EXOC1: variants seen among roughly 807,000 people sequenced by gnomAD.
The protein encoded by EXOC1 is exocyst complex component 1.
A neutral mutation model predicts 107.7 loss-of-function variants in EXOC1; 67 were observed. The ratio of observed to expected loss-of-function variants is 0.62; its 90% CI spans 0.51 to 0.76. The LOEUF is 0.76. Among genes scored for constraint, EXOC1 ranks in the 30% least tolerant of loss-of-function variants. The pLI is 0.00. For synonymous variants in EXOC1, 348 were observed against 353.5 expected (o/e 0.98, Z 0.17); for missense variants, 833 against 1,055.7 (o/e 0.79, Z 2.92).
At chr4:55,858,768 G>A (rs762086203) in intron 2 of EXOC1, among the ~76,000 whole-genome samples, 1 of 152,050 alleles carries the variant, frequency 6.6e-6, no homozygotes, top group Non-Finnish European at 1.5e-5. Flanking sequence ...CTGTTGTGTT[G>A]CTTGTCCTTT....
chr4:55,860,643 A>G, intron 3 of EXOC1, 102 bp downstream of exon 3: 1 of 1,368,430 alleles, frequency 7.3e-7, no homozygotes, highest in Non-Finnish European at 9.8e-7. Context: ...ATTAATATAT[A>G]TGTTTGTTTT....
chr4:55,875,091 T>C (rs1722769421), intron 8 of EXOC1, among the ~76,000 whole-genome samples: 1 of 152,194 alleles, frequency 6.6e-6, no homozygotes, highest in Non-Finnish European at 1.5e-5. Context: ...TGAAATGCAC[T>C]GAACTAAAAG....
chr4:55,880,738 C>T (rs1723308990), intron 9 of EXOC1, among the ~76,000 whole-genome samples: 1 of 152,084 alleles, frequency 6.6e-6, no homozygotes, highest in South Asian at 2.1e-4. Context: ...AGATTAGAGC[C>T]AACCTAGTAA....
chr4:55,857,006 C>T (rs1721035178), intron 1 of EXOC1, among the ~76,000 whole-genome samples: 2 of 151,928 alleles, frequency 1.3e-5, no homozygotes. Flanking sequence ...CTCCCGAAAA[C>T]CACTTATATT....
At chr4:55,857,184 T>C (rs1721068210) in intron 1 of EXOC1, among the ~76,000 whole-genome samples, 1 of 122,476 alleles carries the variant, frequency 8.2e-6, no homozygotes, top group Non-Finnish European at 1.7e-5. Context: ...TTTTTTTTTT[T>C]TTTTTTTTTT....
intron 10 of EXOC1, among the ~76,000 whole-genome samples, chr4:55,886,575 C>CAAAAAAACA (rs1553878029): frequency 4.2e-5 from 4 of 96,238 alleles, no homozygotes; most frequent in Non-Finnish European, 7.0e-5. Context: ...AACAAAAAAA[C>CAAAAAAACA]AAAAAAAAAA....
chr4:55,866,344 C>G (rs1237598377), intron 4 of EXOC1, among the ~76,000 whole-genome samples: 1 of 152,088 alleles, frequency 6.6e-6, no homozygotes, highest in Middle Eastern at 3.2e-3. Context: ...CTTTTACTTG[C>G]AACCAGCTTT....
In EXOC1 at chr4:55,877,938, C is replaced by T; in HGVS notation, c.1096C>T (p.Leu366Phe). ...VQQGHDQSST[L>F]AQHSVELTLP... ...TTAGGGTCATGATCAGAGTTCGACT[C>T]TTGCCCAACACTCTGTTGAACTGAC... The change falls in exon 9 of 19, where the codon CTT becomes TTT. Residue 366 changes from leucine (L) to phenylalanine (F), a missense_variant. Physicochemically the swap from Leu to Phe is conservative, Grantham distance 22 (BLOSUM62 0). This residue lies in a region of EXOC1 where 617 missense variants were observed against 701.3 expected (regional missense o/e 0.88). Coordinates refer to ENST00000381295, the MANE Select transcript of EXOC1 (RefSeq NM_001024924.2). 1 of 1,613,766 alleles carries T rather than the reference C, an allele frequency of 6.2e-7. No homozygotes were observed. The highest frequency in any genetic ancestry group is 1.7e-4 in the Middle Eastern group (1 of 6,060).
chr4:55,861,385 A>T (rs73238372), intron 3 of EXOC1, among the ~76,000 whole-genome samples: 12,857 of 152,228 alleles, frequency 0.084, 647 homozygotes, highest in African/African-American at 0.12. Flanking sequence ...ACATTTACTA[A>T]AAAGGCACAA....
intron 16 of EXOC1, among the ~76,000 whole-genome samples, chr4:55,898,349 A>G (rs1217298668): frequency 6.6e-6 from 1 of 152,220 alleles, no homozygotes; most frequent in African/African-American, 2.4e-5. Flanking sequence ...ACAGACAGAT[A>G]TTCCTTTAAT....
At chr4:55,872,736 A>G (rs1320134741) in intron 8 of EXOC1, 4 of 885,554 alleles carry the variant, frequency 4.5e-6, no homozygotes, top group East Asian at 1.2e-4. Flanking sequence ...TGTATTTACT[A>G]TATTTTATTT....
At chr4:55,857,792 C>T (rs1721136812) in intron 1 of EXOC1, among the ~76,000 whole-genome samples, 1 of 152,176 alleles carries the variant, frequency 6.6e-6, no homozygotes, top group African/African-American at 2.4e-5. Flanking sequence ...ACTTGTTACA[C>T]CAACACTTGT....
At chr4:55,880,366 G>A (rs1723282583) in intron 9 of EXOC1, among the ~76,000 whole-genome samples, 2 of 151,198 alleles carry the variant, frequency 1.3e-5, no homozygotes. Context: ...GCTATTTTAG[G>A]TGAGATTATT....
At chr4:55,875,983 G>T in intron 8 of EXOC1, 1 of 962,050 alleles carries the variant, frequency 1.0e-6, no homozygotes. Flanking sequence ...TATCTGGCTA[G>T]TATCTAATAC....
Position 55,888,747 on chromosome 4 carries a change from A to G in EXOC1, c.1331-141A>G, listed in dbSNP as rs1479201789. ...GGTGACCAACTAAACATGTGTTTGC[A>G]CTTCTTGTTACTTGATGCTCATGGT... On this transcript the variant is annotated intron_variant, in intron 10 of 18. Coordinates refer to ENST00000381295, the MANE Select transcript of EXOC1 (RefSeq NM_001024924.2). The G allele has an allele frequency of 1.5e-5, 11 of 752,076 alleles. 1 individual carries two copies. The South Asian group carries it at 1.6e-4, about 11-fold the overall frequency. The allele number at this position is 752,076 out of a possible 1,614,324, so 46.6% of individuals were successfully genotyped here. A position where few individuals can be genotyped will look rare whatever the true frequency, so the allele number is the denominator to read the frequency against.
At position 55,871,145 on chromosome 4, in the gene EXOC1, A is replaced by G; in HGVS notation, c.876A>G (p.Glu292=). The G allele has an allele frequency of 6.2e-7, 1 of 1,613,764 alleles. No homozygotes were observed. Among genetic ancestry groups the G allele is most frequent in the Non-Finnish European group, 8.5e-7 (1 of 1,179,738 alleles). ...LAKGHIKALQ[E]GDLASSRGIE... Reference sequence around the variant, plus strand: ...AAGGTCATATAAAGGCCCTTCAGGAAGGAGATCTTGCTTCTTCCAGAGGCA... The same window carrying G: ...AAGGTCATATAAAGGCCCTTCAGGAGGGAGATCTTGCTTCTTCCAGAGGCA... The change falls in exon 7 of 19, where the codon GAA becomes GAG. Residue 292 remains glutamate, a synonymous_variant. Coordinates refer to ENST00000381295, the MANE Select transcript of EXOC1 (RefSeq NM_001024924.2).
At chr4:55,867,941 G>C (rs1033157092) in intron 4 of EXOC1, among the ~76,000 whole-genome samples, 20 of 152,286 alleles carry the variant, frequency 1.3e-4, no homozygotes, top group African/African-American at 4.8e-4. Context: ...AATTGTTTTT[G>C]TGTGTACTGA....
chr4:55,890,522 C>T (rs1316200489), intron 12 of EXOC1, 136 bp downstream of exon 12: 2 of 386,706 alleles, frequency 5.2e-6, no homozygotes, highest in East Asian at 3.9e-5. Context: ...CCAACTGAAT[C>T]GAATCTGGGA....
chr4:55,860,811 GT>G lies in EXOC1; in HGVS notation c.255+278del, dbSNP rs895745382. ...TGGATTTTAAAGTGGTGTGTCATGA[GT>G]TTTTTTTGCTTGTTTGTTTGTTTGT... On this transcript the variant is annotated intron_variant, in intron 3 of 18. Coordinates refer to ENST00000381295, the MANE Select transcript of EXOC1 (RefSeq NM_001024924.2). Among the ~76,000 whole-genome samples, 6 of 151,532 alleles carry G rather than the reference GT, an allele frequency of 4.0e-5. No individual in the cohort carries two copies. In the East Asian group the frequency reaches 7.8e-4, roughly 20 times the overall value.
Sources: gnomAD v4.1 joint callset for allele counts (sites outside exome capture counted in the v4.1 genomes callset) on GRCh38, gnomAD v4.1.1 for gene constraint, gnomAD v4.1.1 regional missense constraint, MANE v1.5 for transcripts, NCBI Gene and HGNC (gene_info 2026-07-23, HGNC 2026-07-21) for gene names.